The following LMBRD1 variants were observed in gnomAD, a reference collection of about 807,000 sequenced individuals.
LMBRD1 encodes the protein LMBR1 domain containing 1, also known as lysosomal cobalamin transport escort protein LMBD1.
A neutral mutation model predicts 74.8 loss-of-function variants in LMBRD1; 64 were observed. The ratio of observed to expected loss-of-function variants is 0.86; its 90% CI spans 0.70 to 1.05. LMBRD1 has a LOEUF of 1.05. Among genes scored for constraint, LMBRD1 ranks in the 50% least tolerant of loss-of-function variants. The pLI is 0.00. For synonymous variants in LMBRD1, 204 were observed against 216.3 expected (o/e 0.94, Z 0.50); for missense variants, 652 against 645.9 (o/e 1.01, Z -0.10).
chr6:69,709,391 C>T (rs750435701), intron 9 of LMBRD1, among the ~76,000 whole-genome samples: 14 of 152,104 alleles, frequency 9.2e-5, no homozygotes, highest in Non-Finnish European at 1.5e-4. Flanking sequence ...ACACATTAAA[C>T]CCTCAATTAC....
intron 14 of LMBRD1, among the ~76,000 whole-genome samples, chr6:69,686,473 A>G (rs1408411047): frequency 6.6e-6 from 1 of 152,210 alleles, no homozygotes; most frequent in African/African-American, 2.4e-5. Flanking sequence ...CCAAAGGAAA[A>G]AAGAAATGTA....
intron 13 of LMBRD1, 89 bp downstream of exon 13, chr6:69,698,954 C>A (rs1395564371): frequency 4.6e-6 from 4 of 874,850 alleles, no homozygotes; most frequent in Non-Finnish European, 7.3e-6. Context: ...GAGCTAATAT[C>A]TTATGCTAAC....
chr6:69,740,651 T>C (rs1370730944), intron 6 of LMBRD1, among the ~76,000 whole-genome samples: 1 of 152,176 alleles, frequency 6.6e-6, no homozygotes. Context: ...CTGCAAGACT[T>C]AATTTAATCA....
At position 69,700,828 on chromosome 6, in the gene LMBRD1, CATAATA is replaced by C; in HGVS notation, c.1119_1124del (p.Ile373_Ile374del). On this transcript the variant is annotated inframe_deletion, in exon 12 of 16. Transcript: ENST00000649934. ...CTGCCATTGAAGTAAAAATAAAGTA[CATAATA>C]ATAATTGTTATAAGAATATAATCAA... 6.8e-7 allele frequency: 1 copy of C among 1,469,952 alleles called. No individual in the cohort carries two copies. The allele number at this position is 1,469,952 out of a possible 1,614,324, so 91.1% of individuals were successfully genotyped here. A position where few individuals can be genotyped will look rare whatever the true frequency, so the allele number is the denominator to read the frequency against.
chr6:69,782,626 A>C (rs1231341396), intron 2 of LMBRD1, among the ~76,000 whole-genome samples: 1 of 152,044 alleles, frequency 6.6e-6, no homozygotes, highest in Non-Finnish European at 1.5e-5. Context: ...GGTTGCAGCG[A>C]GCCAAGATCA....
intron 3 of LMBRD1, among the ~76,000 whole-genome samples, chr6:69,766,113 T>C (rs1284956489): frequency 6.6e-6 from 1 of 151,534 alleles, no homozygotes; most frequent in Non-Finnish European, 1.5e-5. Context: ...AACTAAATAA[T>C]AAAAATTAAT....
At chr6:69,706,758 T>G (rs1766268330) in intron 9 of LMBRD1, among the ~76,000 whole-genome samples, 1 of 152,204 alleles carries the variant, frequency 6.6e-6, no homozygotes, top group Non-Finnish European at 1.5e-5. Flanking sequence ...AGGTGGCTGC[T>G]GTGCTAACTG....
intron 3 of LMBRD1, among the ~76,000 whole-genome samples, chr6:69,770,652 ATAT>A (rs764620885): frequency 6.6e-6 from 1 of 152,214 alleles, no homozygotes; most frequent in Non-Finnish European, 1.5e-5. Flanking sequence ...AATTTCACAA[ATAT>A]TTGAGTACCT....
chr6:69,688,170 T>C (rs2045444), intron 14 of LMBRD1, among the ~76,000 whole-genome samples: 51,451 of 151,898 alleles, frequency 0.34, 9,775 homozygotes, highest in East Asian at 0.54. Context: ...CTTTAAGACT[T>C]AGTTTCTAGT....
intron 7 of LMBRD1, among the ~76,000 whole-genome samples, chr6:69,726,503 A>G (rs1337033556): frequency 1.3e-5 from 2 of 152,218 alleles, no homozygotes; most frequent in African/African-American, 4.8e-5. Flanking sequence ...ATGAATGGAT[A>G]AAGAAAATGT....
At chr6:69,712,245 C>T (rs1193280981) in intron 9 of LMBRD1, among the ~76,000 whole-genome samples, 2 of 152,128 alleles carry the variant, frequency 1.3e-5, no homozygotes, top group Admixed American at 6.6e-5. Context: ...TTTTTAGTCT[C>T]AGCCATATTA....
Position 69,702,001 on chromosome 6 carries a change from T to C in LMBRD1, c.916-48A>G, listed in dbSNP as rs771634456. Reference sequence around the variant, plus strand: ...TAAAATATAGTTCTAAAAGTTGATATTAAAAGCACAAAATCATTATATTCA... The same window carrying C: ...TAAAATATAGTTCTAAAAGTTGATACTAAAAGCACAAAATCATTATATTCA... On this transcript the variant is annotated intron_variant, in intron 9 of 15. Transcript: ENST00000649934. 7.2e-5 allele frequency: 82 copies of C among 1,145,464 alleles called. 1 individual carries two copies. The South Asian group carries it at 1.0e-3, about 14-fold the overall frequency. 71.0% of individuals were successfully genotyped at this position (1,145,464 alleles called of 1,614,324 possible).
At chr6:69,751,519 G>A (rs1200971987) in intron 4 of LMBRD1, among the ~76,000 whole-genome samples, 1 of 152,154 alleles carries the variant, frequency 6.6e-6, no homozygotes, top group Non-Finnish European at 1.5e-5. Flanking sequence ...TAGAGACAAG[G>A]TTTCGCCATG....
At chr6:69,692,647 A>C (rs1582052887) in intron 14 of LMBRD1, among the ~76,000 whole-genome samples, 1 of 151,916 alleles carries the variant, frequency 6.6e-6, no homozygotes, top group East Asian at 1.9e-4. Flanking sequence ...AAATATCCAT[A>C]TGTTATTTTC....
chr6:69,687,608 C>G (rs2502567), intron 14 of LMBRD1, among the ~76,000 whole-genome samples: 135,235 of 152,166 alleles, frequency 0.89, 61,786 homozygotes, highest in Non-Finnish European at 0.99. Context: ...CAGGATTGTG[C>G]TTCTCCGTAT....
At chr6:69,726,297 C>A (rs1203013101) in intron 7 of LMBRD1, among the ~76,000 whole-genome samples, 1 of 152,156 alleles carries the variant, frequency 6.6e-6, no homozygotes, top group Non-Finnish European at 1.5e-5. Flanking sequence ...ATTAGTACAA[C>A]CACTACAGAG....
In LMBRD1 at chr6:69,749,321, A is replaced by T; in HGVS notation, c.473+20T>A. The T allele has an allele frequency of 1.3e-6, 2 of 1,586,402 alleles. No homozygotes were observed. Among genetic ancestry groups the T allele is most frequent in the Non-Finnish European group, 1.7e-6 (2 of 1,161,100 alleles). ...TTCTATTTCCATTTCATGGTTTAAA[A>T]AAAAAAAATCAAGACTTACCCAACT... On this transcript the variant is annotated intron_variant, in intron 5 of 15. Coordinates refer to ENST00000649934, the MANE Select transcript of LMBRD1 (RefSeq NM_018368.4).
chr6:69,736,399 T>A (rs1766978139), intron 7 of LMBRD1, among the ~76,000 whole-genome samples: 1 of 152,006 alleles, frequency 6.6e-6, no homozygotes, highest in African/African-American at 2.4e-5. Flanking sequence ...CTCATCTAGT[T>A]CTCTCCCCAT....
At position 69,749,330 on chromosome 6, in the gene LMBRD1, T is replaced by A. The variant is rs79885422; in HGVS notation, c.473+11A>T. 146 of 1,577,016 alleles carry A rather than the reference T, an allele frequency of 9.3e-5. No homozygotes were observed. The South Asian group carries it at 1.6e-3, about 17-fold the overall frequency. On this transcript the variant is annotated intron_variant, in intron 5 of 15. Transcript: ENST00000649934. ...CATTTCATGGTTTAAAAAAAAAAAA[T>A]CAAGACTTACCCAACTAAAAGAAGC...
Sources: gnomAD v4.1 joint callset for allele counts (sites outside exome capture counted in the v4.1 genomes callset) on GRCh38, gnomAD v4.1.1 for gene constraint, MANE v1.5 for transcripts, NCBI Gene and HGNC (gene_info 2026-07-23, HGNC 2026-07-21) for gene names.